The following ATP9A variants were observed in gnomAD, a reference collection of about 807,000 sequenced individuals.
ATP9A encodes the protein probable phospholipid-transporting ATPase IIA.
ATP9A carries 52 observed loss-of-function variants against 144.1 expected under a neutral mutation model. The ratio of observed to expected loss-of-function variants is 0.36; its 90% CI spans 0.29 to 0.45. ATP9A has a LOEUF of 0.45. Ranked by LOEUF, ATP9A falls within the 20% of genes least tolerant of loss-of-function variation. ATP9A has a pLI of 1.00. For missense variants in ATP9A, 947 were observed against 1,392.7 expected, an observed-to-expected ratio of 0.68 and a Z score of 5.09; for synonymous variants, 582 against 557.4, an observed-to-expected ratio of 1.04 and a Z score of -0.62.
intron 1 of ATP9A, among the ~76,000 whole-genome samples, chr20:51,763,368 A>G (rs1276438366): frequency 1.3e-5 from 2 of 148,760 alleles, no homozygotes; most frequent in South Asian, 2.1e-4. Context: ...GCTACAGTGC[A>G]GTGGCGCGAT....
At chr20:51,678,574 T>C (rs1343709017) in intron 9 of ATP9A, among the ~76,000 whole-genome samples, 1 of 152,174 alleles carries the variant, frequency 6.6e-6, no homozygotes, top group African/African-American at 2.4e-5. Flanking sequence ...TCTCGGCAGA[T>C]GGCAGGCTCC....
intron 1 of ATP9A, among the ~76,000 whole-genome samples, chr20:51,744,142 CATTT>C (rs937776470): frequency 5.3e-5 from 8 of 151,788 alleles, no homozygotes; most frequent in African/African-American, 1.7e-4. Flanking sequence ...CTGCTTAGAC[CATTT>C]ATTTATTATT....
intron 9 of ATP9A, among the ~76,000 whole-genome samples, chr20:51,688,773 G>T (rs1029812042): frequency 4.6e-5 from 7 of 152,042 alleles, no homozygotes; most frequent in African/African-American, 1.7e-4. Flanking sequence ...CATCCAGGCT[G>T]CCTCCCCCTC....
intron 4 of ATP9A, among the ~76,000 whole-genome samples, chr20:51,701,895 A>G (rs2077594620): frequency 6.6e-6 from 1 of 152,182 alleles, no homozygotes; most frequent in Admixed American, 6.5e-5. Context: ...GGCTGGGCAC[A>G]GTGGCTCCCA....
intron 3 of ATP9A, among the ~76,000 whole-genome samples, chr20:51,717,823 G>A (rs1178017102): frequency 5.9e-5 from 9 of 151,918 alleles, no homozygotes; most frequent in Non-Finnish European, 1.0e-4. Context: ...GCATGGTGGC[G>A]CATGCCTGTA....
intron 3 of ATP9A, among the ~76,000 whole-genome samples, chr20:51,717,405 AC>A (rs2077667068): frequency 6.6e-6 from 1 of 151,960 alleles, no homozygotes; most frequent in South Asian, 2.1e-4. Context: ...TTCACCACAA[AC>A]CCTTTTTTCT....
chr20:51,688,959 T>G, intron 9 of ATP9A, 105 bp downstream of exon 9: 4 of 1,247,772 alleles, frequency 3.2e-6, no homozygotes, highest in Non-Finnish European at 4.7e-6. Context: ...AAAATGCCAT[T>G]TGACCGAGCA....
intron 13 of ATP9A, among the ~76,000 whole-genome samples, chr20:51,665,134 G>A (rs886648685): frequency 2.0e-4 from 30 of 152,044 alleles, no homozygotes; most frequent in African/African-American, 3.9e-4. Context: ...TCTGCTAAAC[G>A]GAAGACCGGC....
intron 3 of ATP9A, among the ~76,000 whole-genome samples, chr20:51,714,776 G>A (rs1027933245): frequency 2.0e-5 from 3 of 152,338 alleles, no homozygotes; most frequent in South Asian, 2.1e-4. Context: ...GGGCCACTGC[G>A]CCCAGCTGTT....
intron 8 of ATP9A, 94 bp downstream of exon 8, chr20:51,690,645 C>T (rs2077544340): frequency 1.8e-6 from 2 of 1,112,588 alleles, no homozygotes; most frequent in South Asian, 1.3e-5. Flanking sequence ...CATGAAACAA[C>T]TTCCTGACAA....
At position 51,601,191 on chromosome 20, in the gene ATP9A, C is replaced by T; in HGVS notation, c.*20G>A. The T allele has an allele frequency of 1.3e-6, 2 of 1,582,880 alleles. No homozygotes were observed. Among genetic ancestry groups the T allele is most frequent in the Non-Finnish European group, 8.6e-7 (1 of 1,163,818 alleles). The stretch of plus-strand genomic sequence containing the variant: ...TCAGGGAAGCGCCAAGACCAGGGCC[C>T]CCTCCAGCGAACGCACGGCCTATGA... On this transcript the variant is annotated 3_prime_UTR_variant, in exon 28 of 28. Coordinates refer to ENST00000338821, the MANE Select transcript of ATP9A (RefSeq NM_006045.3).
rs116548188 is a variant in ATP9A at position 51,748,670 on chromosome 20, T to C, written c.69-18692A>G. On this transcript the variant is annotated intron_variant, in intron 1 of 27. Coordinates refer to ENST00000338821, the MANE Select transcript of ATP9A (RefSeq NM_006045.3). ...CACCTCAGGGAGGACATTTTGACGA[T>C]GCTATCAAAATTACAAATGTACCTT... is the stretch of plus-strand genomic sequence containing the variant. 2.0e-5 allele frequency among the ~76,000 whole-genome samples: 3 copies of C among 152,188 alleles called. No individual in the cohort carries two copies. In the South Asian group the frequency reaches 6.2e-4, roughly 31 times the overall value.
chr20:51,696,700 G>A (rs1214299988), intron 5 of ATP9A, among the ~76,000 whole-genome samples: 1 of 152,160 alleles, frequency 6.6e-6, no homozygotes, highest in Non-Finnish European at 1.5e-5. Flanking sequence ...TGGTTCTTCT[G>A]AGCTGCCACC....
At chr20:51,718,763 C>T (rs1013123931) in intron 3 of ATP9A, among the ~76,000 whole-genome samples, 3 of 132,228 alleles carry the variant, frequency 2.3e-5, no homozygotes, top group African/African-American at 8.9e-5. Context: ...TGCAGTGAGC[C>T]GAGATCGCAC....
intron 13 of ATP9A, among the ~76,000 whole-genome samples, chr20:51,663,777 G>C (rs1287394503): frequency 6.9e-6 from 1 of 144,386 alleles, no homozygotes; most frequent in Non-Finnish European, 1.5e-5. Flanking sequence ...CTGGGAAACA[G>C]AGCGAGACTC....
intron 1 of ATP9A, among the ~76,000 whole-genome samples, chr20:51,754,036 G>T (rs185838257): frequency 6.6e-6 from 1 of 152,016 alleles, no homozygotes; most frequent in African/African-American, 2.4e-5. Context: ...ACAAAGATTA[G>T]ACTTTTTCAC....
At chr20:51,758,644 G>A (rs2077866277) in intron 1 of ATP9A, among the ~76,000 whole-genome samples, 1 of 152,162 alleles carries the variant, frequency 6.6e-6, no homozygotes, top group South Asian at 2.1e-4. Flanking sequence ...GAGCCCTTTT[G>A]GGCTGGGCGC....
intron 14 of ATP9A, among the ~76,000 whole-genome samples, chr20:51,648,059 T>A (rs2077348903): frequency 6.6e-6 from 1 of 152,210 alleles, no homozygotes; most frequent in African/African-American, 2.4e-5. Context: ...GGCAACGTGG[T>A]GGTAAAACTC....
intron 9 of ATP9A, among the ~76,000 whole-genome samples, chr20:51,681,201 A>G (rs2077498283): frequency 6.6e-6 from 1 of 152,234 alleles, no homozygotes; most frequent in Non-Finnish European, 1.5e-5. Context: ...GACCAAGTTA[A>G]GAGAATGGCA....
Sources: allele counts gnomAD v4.1 joint callset (sites outside exome capture counted in the v4.1 genomes callset), GRCh38; gene constraint gnomAD v4.1.1; transcripts MANE v1.5; gene names NCBI Gene and HGNC (gene_info 2026-07-23, HGNC 2026-07-21).